The following DNAI1 variants were observed in gnomAD, a reference collection of about 807,000 sequenced individuals.
DNAI1 encodes dynein, axonemal, intermediate polypeptide 1.
A neutral mutation model predicts 92.0 loss-of-function variants in DNAI1; 67 were observed. The ratio of observed to expected loss-of-function variants is 0.73; its 90% CI spans 0.60 to 0.89. DNAI1 has a LOEUF of 0.89. DNAI1 is among the 40% of genes least tolerant of loss of function. DNAI1 has a pLI of 0.00. For missense variants in DNAI1, 839 were observed against 866.6 expected (o/e 0.97, Z 0.40); for synonymous variants, 323 against 319.6 (o/e 1.01, Z -0.11).
intron 4 of DNAI1, chr9:34,488,670 T>C (rs1412616246): frequency 6.4e-6 from 1 of 155,838 alleles, no homozygotes; most frequent in Non-Finnish European, 1.4e-5. Context: ...AAATAAGGGA[T>C]TGTGTCTACT....
At chr9:34,475,440 A>T (rs527754060) in intron 1 of DNAI1, among the ~76,000 whole-genome samples, 1 of 152,310 alleles carries the variant, frequency 6.6e-6, no homozygotes, top group South Asian at 2.1e-4. Context: ...AAATCTAGTC[A>T]TCCCTAAGGC....
intron 10 of DNAI1, among the ~76,000 whole-genome samples, chr9:34,499,748 A>G (rs1001960695): frequency 6.6e-6 from 1 of 152,212 alleles, no homozygotes; most frequent in Non-Finnish European, 1.5e-5. Flanking sequence ...AAACACCCAA[A>G]ACAGGAGACA....
intron 1 of DNAI1, among the ~76,000 whole-genome samples, chr9:34,474,989 T>C (rs1824211851): frequency 6.6e-6 from 1 of 152,218 alleles, no homozygotes; most frequent in Non-Finnish European, 1.5e-5. Context: ...CAGTTGGCAC[T>C]ACCACAACAA....
rs773137911 is a variant in DNAI1, at chr9:34,483,460, G to A, written c.61G>A (p.Gly21Ser). The A allele has an allele frequency of 1.2e-6, 2 of 1,612,364 alleles. No individual in the cohort carries two copies. The highest frequency in any genetic ancestry group is 2.2e-5 in the South Asian group (2 of 91,048). Residue 21 changes from glycine (G) to serine (S), a missense_variant, in exon 2 of 20, where the codon GGC becomes AGC. Transcript: ENST00000242317. ...KQPHKQSISIGRGTRKRDEDS... is the reference protein window; with the variant it reads ...KQPHKQSISISRGTRKRDEDS... ...GTTCTTCATTTAGAGCATCAGCATA[G>A]GCAGAGGAACCAGGAAGAGAGTAAG... is the stretch of plus-strand genomic sequence containing the variant.
chr9:34,492,513 T>G lies in DNAI1; in HGVS notation c.682-681T>G, dbSNP rs866475157. Among the ~76,000 whole-genome samples the G allele has an allele frequency of 3.7e-4, 43 of 117,134 alleles. 3 individuals carry two copies. The highest frequency in any genetic ancestry group is 4.7e-4 in the African/African-American group (15 of 32,162). The allele number at this position is 117,134 out of a possible 152,430, so 76.8% of individuals were successfully genotyped here. ...ATGAAGATATATATATATATATATATATATATATATATATATATATATTTG... is the reference window on the plus strand; with the variant it reads ...ATGAAGATATATATATATATATATAGATATATATATATATATATATATTTG... On this transcript the variant is annotated intron_variant, in intron 8 of 19. Transcript: ENST00000242317.
chr9:34,510,348 G>GGT (rs143671936), intron 13 of DNAI1, among the ~76,000 whole-genome samples: 6 of 151,538 alleles, frequency 4.0e-5, no homozygotes, highest in East Asian at 1.9e-4. Flanking sequence ...CACTCTGTGG[G>GGT]GTGTGTGTGT....
rs1372787651 is a variant in DNAI1 at position 34,490,471 on chromosome 9, T to C, written c.604T>C (p.Tyr202His). The change falls in exon 7 of 20, where the codon TAC (tyrosine) becomes CAC (histidine). Residue 202 changes from tyrosine (Y) to histidine (H), a missense_variant. Transcript: ENST00000242317. ...FNFSERASQT[Y>H]NNPVRDRECQ... ...CTTCAGTGAGAGGGCCTCACAGACC[T>C]ACAACAACCCTGTCCGGGTAGAGCA... 1 of 1,614,180 alleles carries C rather than the reference T, an allele frequency of 6.2e-7. No individual in the cohort carries two copies. The highest frequency in any genetic ancestry group is 8.5e-7 in the Non-Finnish European group (1 of 1,180,028).
chr9:34,518,543 A>G (rs1404665587), intron 19 of DNAI1, among the ~76,000 whole-genome samples: 1 of 152,110 alleles, frequency 6.6e-6, no homozygotes, highest in Non-Finnish European at 1.5e-5. Context: ...GAGGGGAGGG[A>G]GGGAGTCGGG....
Position 34,511,106 on chromosome 9 carries a change from G to A in DNAI1, c.1312-1003G>A, listed in dbSNP as rs374344582. On this transcript the variant is annotated intron_variant, in intron 13 of 19. Coordinates refer to ENST00000242317, the MANE Select transcript of DNAI1 (RefSeq NM_012144.4). Reference sequence around the variant, plus strand: ...CCCTCACTGGTCCTCTGCTAGTGACGGGGAGGGGACAGGACGGTGGTCCCA... The same window carrying A: ...CCCTCACTGGTCCTCTGCTAGTGACAGGGAGGGGACAGGACGGTGGTCCCA... Among the ~76,000 whole-genome samples the A allele has an allele frequency of 1.2e-3, 180 of 152,312 alleles. 1 individual carries two copies. Among genetic ancestry groups the A allele is most frequent in the African/African-American group, 4.0e-3 (166 of 41,568 alleles).
intron 1 of DNAI1, among the ~76,000 whole-genome samples, chr9:34,472,431 T>C (rs916508053): frequency 1.3e-5 from 2 of 152,194 alleles, no homozygotes; most frequent in African/African-American, 4.8e-5. Flanking sequence ...AAGGGTCCTA[T>C]ATAATTGGCT....
chr9:34,492,493 G>GATAGATAGATATATATATATATAT (rs1554688186), intron 8 of DNAI1, among the ~76,000 whole-genome samples: 2 of 68,268 alleles, frequency 2.9e-5, no homozygotes, highest in African/African-American at 1.0e-4. Flanking sequence ...GGGATATGAA[G>GATAGATAGATATATATATATATAT]ATATATATAT....
intron 1 of DNAI1, among the ~76,000 whole-genome samples, chr9:34,475,416 G>A (rs1470707698): frequency 5.9e-5 from 9 of 152,180 alleles, no homozygotes; most frequent in African/African-American, 2.2e-4. Context: ...CTTGAGCAGA[G>A]ATGTGAGCTG....
At chr9:34,493,104 G>A (rs1178616641) in intron 8 of DNAI1, 90 bp from the exon 9 acceptor site, 1 of 1,579,316 alleles carries the variant, frequency 6.3e-7, no homozygotes, top group African/African-American at 1.3e-5. Context: ...GGGTTAACAT[G>A]ACCAATTCCT....
In DNAI1 at chr9:34,493,104, G is replaced by T; in HGVS notation, c.682-90G>T. ...AGATGCTTGTTGCCAGGGTTAACAT[G>T]ACCAATTCCTTAAGTCTTGAAGGCT... On this transcript the variant is annotated intron_variant, in intron 8 of 19. Coordinates refer to ENST00000242317, the MANE Select transcript of DNAI1 (RefSeq NM_012144.4). 5 of 1,579,434 alleles carry T rather than the reference G, an allele frequency of 3.2e-6. No individual in the cohort carries two copies. The South Asian group carries it at 5.6e-5, about 18-fold the overall frequency.
rs561373906 is a variant in DNAI1, at chr9:34,514,845, G to A, written c.1818+106G>A. 4.8e-6 allele frequency: 6 copies of A among 1,247,520 alleles called. No individual in the cohort carries two copies. In the African/African-American group the frequency reaches 8.8e-5, roughly 18 times the overall value. 77.3% of individuals were successfully genotyped at this position (1,247,520 alleles called of 1,614,324 possible). ...CATCCCATGCCTAGGTCAGGAAGGA[G>A]AAGGCGGGACATAAGGACTGTGTAT... On this transcript the variant is annotated intron_variant, in intron 18 of 19. Transcript: ENST00000242317.
chr9:34,504,029 C>T, intron 12 of DNAI1, among the ~76,000 whole-genome samples: 1 of 152,162 alleles, frequency 6.6e-6, no homozygotes, highest in Non-Finnish European at 1.5e-5. Flanking sequence ...GTCTTCCAGG[C>T]ATGGATGGTG....
chr9:34,483,381 T>C (rs981366224), intron 1 of DNAI1, 67 bp from the exon 2 acceptor site: 2 of 1,515,368 alleles, frequency 1.3e-6, no homozygotes, highest in African/African-American at 2.7e-5. Flanking sequence ...CTCCCTGAAA[T>C]ACTGTTTATG....
rs373496626 is a variant in DNAI1 at position 34,490,140 on chromosome 9, G to T, written c.501+16G>T. 9 of 1,613,700 alleles carry T rather than the reference G, an allele frequency of 5.6e-6. No homozygotes were observed. The highest frequency in any genetic ancestry group is 7.6e-6 in the Non-Finnish European group (9 of 1,179,804). On this transcript the variant is annotated intron_variant, in intron 6 of 19. Coordinates refer to ENST00000242317, the MANE Select transcript of DNAI1 (RefSeq NM_012144.4). ...TGCAGCTGGGGTACAGTATAATATC[G>T]CTCTGTGTCCCTCTTCTTCCAGCTC... is the stretch of plus-strand genomic sequence containing the variant.
chr9:34,514,431 A>G lies in DNAI1; in HGVS notation c.1607A>G (p.Tyr536Cys), dbSNP rs144611423. Residue 536 changes from tyrosine to cysteine, a missense_variant, in exon 17 of 20, where the codon TAT (tyrosine) becomes TGT (cysteine). Coordinates refer to ENST00000242317, the MANE Select transcript of DNAI1 (RefSeq NM_012144.4). ...TACTCCAGCCAATTCCTCGACACCT[A>G]TGACGCCCACAACATGTCAGTGGAC... The part of the protein sequence containing the change: ...KSYSSQFLDT[Y>C]DAHNMSVDTV... The G allele has an allele frequency of 2.9e-5, 47 of 1,614,020 alleles. No homozygotes were observed. Among genetic ancestry groups the G allele is most frequent in the Non-Finnish European group, 3.3e-5 (39 of 1,180,028 alleles).
Sources: allele counts gnomAD v4.1 joint callset (sites outside exome capture counted in the v4.1 genomes callset), GRCh38; gene constraint gnomAD v4.1.1; transcripts MANE v1.5; gene names NCBI Gene and HGNC (gene_info 2026-07-23, HGNC 2026-07-21).